VWC2: variants seen among roughly 807,000 people sequenced by gnomAD.
The protein encoded by VWC2 is von Willebrand factor C domain containing 2, also known as brorin.
Under a neutral mutation model 29.8 loss-of-function variants are expected in VWC2, and 14 were observed. The observed-to-expected ratio is 0.47, with a 90% CI of 0.31 to 0.74. The LOEUF (loss-of-function observed/expected upper bound fraction) is 0.74. Among genes scored for constraint, VWC2 ranks in the 30% least tolerant of loss-of-function variants. The probability of loss-of-function intolerance (pLI) is 0.05; values close to 1 mark genes in which losing one functional copy is unlikely to be tolerated. For synonymous variants in VWC2, 213 were observed against 199.0 expected (o/e 1.07, Z -0.59); for missense variants, 457 against 459.8 (o/e 0.99, Z 0.05).
At chr7:49,815,375 A>G (rs963160361) in intron 3 of VWC2, among the ~76,000 whole-genome samples, 2 of 152,174 alleles carry the variant, frequency 1.3e-5, no homozygotes, top group Admixed American at 6.5e-5. Flanking sequence ...CAGGAGTGAG[A>G]TTATTAGGTT....
intron 3 of VWC2, among the ~76,000 whole-genome samples, chr7:49,877,878 T>A (rs1227636890): frequency 6.6e-6 from 1 of 152,108 alleles, no homozygotes; most frequent in African/African-American, 2.4e-5. Context: ...TTTGTCATCA[T>A]CTTCCTGACC....
rs192864485 is a variant in VWC2, at chr7:49,798,008, T to C, written c.697-4703T>C. On this transcript the variant is annotated intron_variant, in intron 2 of 3. Coordinates refer to ENST00000340652, the MANE Select transcript of VWC2 (RefSeq NM_198570.5). ...AGGTTGTCCCTAGTTAAGTTTCTTC[T>C]GGGAAAATGATAACTTTAGAAGAGG... Among the ~76,000 whole-genome samples the C allele has an allele frequency of 2.0e-4, 31 of 152,348 alleles. No homozygotes were observed. The East Asian group carries it at 5.8e-3, about 28-fold the overall frequency.
chr7:49,792,040 A>G (rs1245182369), intron 2 of VWC2, among the ~76,000 whole-genome samples: 1 of 152,234 alleles, frequency 6.6e-6, no homozygotes, highest in Non-Finnish European at 1.5e-5. Flanking sequence ...AAAGAAATAT[A>G]CAGGCGTTAC....
At chr7:49,888,918 A>G (rs530587786) in intron 3 of VWC2, among the ~76,000 whole-genome samples, 11 of 152,100 alleles carry the variant, frequency 7.2e-5, no homozygotes, top group Non-Finnish European at 1.5e-4. Context: ...TCTCAAAAAA[A>G]ACAAAAACAA....
At chr7:49,781,760 G>T (rs1229196970) in intron 2 of VWC2, among the ~76,000 whole-genome samples, 1 of 152,156 alleles carries the variant, frequency 6.6e-6, no homozygotes, top group South Asian at 2.1e-4. Flanking sequence ...ATAAATGCTT[G>T]ATCCACTTGG....
At chr7:49,815,032 G>A (rs1370333953) in intron 3 of VWC2, among the ~76,000 whole-genome samples, 1 of 152,072 alleles carries the variant, frequency 6.6e-6, no homozygotes, top group Non-Finnish European at 1.5e-5. Flanking sequence ...TGGACCCTTT[G>A]TTTTTCAGAT....
At chr7:49,788,329 C>T (rs1304684009) in intron 2 of VWC2, among the ~76,000 whole-genome samples, 1 of 152,164 alleles carries the variant, frequency 6.6e-6, no homozygotes, top group Non-Finnish European at 1.5e-5. Flanking sequence ...CAGCTTTGGG[C>T]AAAGGCAGAC....
chr7:49,899,281 A>G (rs1792576346), intron 3 of VWC2, among the ~76,000 whole-genome samples: 1 of 152,070 alleles, frequency 6.6e-6, no homozygotes, highest in African/African-American at 2.4e-5. Context: ...GTACCAGGAA[A>G]GATGGCATGG....
intron 3 of VWC2, among the ~76,000 whole-genome samples, chr7:49,807,232 T>C (rs1788899947): frequency 1.3e-5 from 2 of 152,230 alleles, no homozygotes; most frequent in African/African-American, 4.8e-5. Context: ...AAGTAATCTA[T>C]TGATTCAGTA....
At chr7:49,889,111 T>C (rs1361280070) in intron 3 of VWC2, among the ~76,000 whole-genome samples, 29 of 152,132 alleles carry the variant, frequency 1.9e-4, no homozygotes, top group Admixed American at 1.9e-3. Context: ...TCATCTTTTG[T>C]TTCTTCTGGG....
chr7:49,837,646 T>C (rs1406646674), intron 3 of VWC2, among the ~76,000 whole-genome samples: 2 of 152,148 alleles, frequency 1.3e-5, no homozygotes, highest in East Asian at 1.9e-4. Flanking sequence ...TTTAAAGTTA[T>C]GAGATTTGAG....
chr7:49,840,469 C>T (rs1583663256), intron 3 of VWC2, among the ~76,000 whole-genome samples: 2 of 152,202 alleles, frequency 1.3e-5, no homozygotes, highest in African/African-American at 4.8e-5. Context: ...CTTGGTAGCC[C>T]CCAGCATGGT....
chr7:49,841,998 C>G (rs955280103), intron 3 of VWC2, among the ~76,000 whole-genome samples: 2 of 152,104 alleles, frequency 1.3e-5, no homozygotes, highest in African/African-American at 2.4e-5. Flanking sequence ...TCCTGAGTAG[C>G]TGGGATTACA....
At chr7:49,908,911 A>G (rs1793249612) in intron 3 of VWC2, among the ~76,000 whole-genome samples, 1 of 152,390 alleles carries the variant, frequency 6.6e-6, no homozygotes, top group Admixed American at 6.5e-5. Context: ...TATATTCTAC[A>G]GTAAAATGCA....
intron 3 of VWC2, among the ~76,000 whole-genome samples, chr7:49,853,625 G>A (rs1284999376): frequency 2.0e-5 from 3 of 151,716 alleles, no homozygotes; most frequent in African/African-American, 4.8e-5. Context: ...CATACTTTAC[G>A]TAACATAAAG....
In VWC2 at chr7:49,914,289, C is replaced by G. The variant is rs1429036569; in HGVS notation, c.*2104C>G. On this transcript the variant is annotated 3_prime_UTR_variant, in exon 4 of 4. Transcript: ENST00000340652. ...TTCCTACCAGAATGGATGATGAGCT[C>G]TGAAATAATTGCAATGGTGTTTTCA... 1 of 152,208 alleles carries G rather than the reference C, an allele frequency of 6.6e-6. No homozygotes were observed. Among genetic ancestry groups the G allele is most frequent in the Non-Finnish European group, 1.5e-5 (1 of 68,036 alleles). 9.4% of individuals were successfully genotyped at this position (152,208 alleles called of 1,614,324 possible).
intron 3 of VWC2, among the ~76,000 whole-genome samples, chr7:49,805,140 A>AAT (rs1227578855): frequency 6.6e-6 from 1 of 152,232 alleles, no homozygotes; most frequent in African/African-American, 2.4e-5. Flanking sequence ...ACACTTTATA[A>AAT]ATATTATATA....
At chr7:49,787,609 G>A (rs1788329419) in intron 2 of VWC2, among the ~76,000 whole-genome samples, 1 of 152,170 alleles carries the variant, frequency 6.6e-6, no homozygotes, top group South Asian at 2.1e-4. Context: ...TCTCACGTGG[G>A]GCAGAACTGC....
intron 3 of VWC2, among the ~76,000 whole-genome samples, chr7:49,896,255 C>G (rs1037382473): frequency 6.6e-6 from 1 of 152,088 alleles, no homozygotes; most frequent in African/African-American, 2.4e-5. Flanking sequence ...GCACAAGAAT[C>G]GCTTGAACCC....
Sources: gnomAD v4.1 joint callset for allele counts (sites outside exome capture counted in the v4.1 genomes callset) on GRCh38, gnomAD v4.1.1 for gene constraint, MANE v1.5 for transcripts, NCBI Gene and HGNC (gene_info 2026-07-23, HGNC 2026-07-21) for gene names.